The following RAD51 variants were observed in gnomAD, a reference collection of about 807,000 sequenced individuals.
RAD51 encodes RAD51 recombinase.
In RAD51, 14 loss-of-function variants were observed where a neutral mutation model predicts 41.5. That is an observed-to-expected ratio of 0.34 (90% CI 0.22 to 0.53). The LOEUF (loss-of-function observed/expected upper bound fraction) is 0.53. RAD51 is among the 20% of genes least tolerant of loss of function. The pLI is 0.95. For missense variants in RAD51, 234 were observed against 422.0 expected, an observed-to-expected ratio of 0.55 and a Z score of 3.90; for synonymous variants, 136 against 148.6, an observed-to-expected ratio of 0.92 and a Z score of 0.62.
At chr15:40,713,633 G>T in intron 5 of RAD51, among the ~76,000 whole-genome samples, 1 of 143,836 alleles carries the variant, frequency 7.0e-6, no homozygotes, top group Admixed American at 7.0e-5. Context: ...TTGAGGCGGA[G>T]TCTCATTCTG....
intron 5 of RAD51, 53 bp from the exon 6 acceptor site, chr15:40,718,748 GGTCA>G: frequency 1.4e-6 from 2 of 1,403,194 alleles, no homozygotes; most frequent in Non-Finnish European, 2.0e-6. Context: ...TGAGGAGCTT[GGTCA>G]GCTGTATCAG....
intron 5 of RAD51, among the ~76,000 whole-genome samples, chr15:40,710,783 G>T (rs1184232952): frequency 6.6e-6 from 1 of 152,088 alleles, no homozygotes; most frequent in Non-Finnish European, 1.5e-5. Context: ...TTGAGAAAGT[G>T]TCCCTTTTCT....
At position 40,726,662 on chromosome 15, in the gene RAD51, C is replaced by T. The variant is rs528671233; in HGVS notation, c.531-2049C>T. ...GGGCGCGGTGGCTCATGCCTGTAAT[C>T]CCAGCACTTTGGGAGGCCGAGGCGG... On this transcript the variant is annotated intron_variant, in intron 6 of 9. Transcript: ENST00000267868. Among the ~76,000 whole-genome samples, 74 of 151,770 alleles carry T rather than the reference C, an allele frequency of 4.9e-4. 1 individual carries two copies. The South Asian group carries it at 0.012, about 24-fold the overall frequency.
Position 40,719,468 on chromosome 15 carries a change from A to T in RAD51, c.530+569A>T, listed in dbSNP as rs187887361. Among the ~76,000 whole-genome samples, 3 of 152,308 alleles carry T rather than the reference A, an allele frequency of 2.0e-5. No individual in the cohort carries two copies. In the East Asian group the frequency reaches 5.8e-4, roughly 29 times the overall value. On this transcript the variant is annotated intron_variant, in intron 6 of 9. Coordinates refer to ENST00000267868, the MANE Select transcript of RAD51 (RefSeq NM_002875.5). ...TTAGAAAGTAAAAGAATGGAGAAAG[A>T]TATTGCATGCAAATAGTAACCATAA...
At chr15:40,697,046 TG>T in intron 1 of RAD51, among the ~76,000 whole-genome samples, 2 of 152,332 alleles carry the variant, frequency 1.3e-5, no homozygotes, top group East Asian at 3.8e-4. Flanking sequence ...ACTCTCTTAG[TG>T]GTGTCCTTTG....
In RAD51 at chr15:40,715,120, G is replaced by C. The variant is rs45471894; in HGVS notation, c.436-3685G>C. On this transcript the variant is annotated intron_variant, in intron 5 of 9. Transcript: ENST00000267868. ...CGCCTGTAATCCCAGCACTTTGGGA[G>C]GCTGAGGTGGATGGATCACAAGGTC... 5.8e-3 allele frequency among the ~76,000 whole-genome samples: 888 copies of C among 152,356 alleles called. 7 individuals carry two copies. Among genetic ancestry groups the C allele is most frequent in the Middle Eastern group, 0.01 (3 of 294 alleles).
intron 6 of RAD51, among the ~76,000 whole-genome samples, chr15:40,723,823 C>T (rs2141868106): frequency 6.6e-6 from 1 of 152,182 alleles, no homozygotes; most frequent in Admixed American, 6.6e-5. Flanking sequence ...TTAATTATAC[C>T]TGAGTAAAGC....
At chr15:40,730,974 A>C in intron 9 of RAD51, 81 bp from the exon 10 acceptor site, 1 of 1,584,160 alleles carries the variant, frequency 6.3e-7, no homozygotes, top group Non-Finnish European at 8.6e-7. Flanking sequence ...TGTCTAAAAA[A>C]TTTTCAGCTC....
At chr15:40,698,109 C>T (rs1453809613) in intron 1 of RAD51, among the ~76,000 whole-genome samples, 1 of 152,130 alleles carries the variant, frequency 6.6e-6, no homozygotes, top group Non-Finnish European at 1.5e-5. Flanking sequence ...CTCCTTCCTG[C>T]CGCCCCCTGC....
chr15:40,709,600 C>T (rs939715286), intron 5 of RAD51, among the ~76,000 whole-genome samples: 4 of 152,044 alleles, frequency 2.6e-5, no homozygotes, highest in African/African-American at 9.7e-5. Context: ...TCTTGAACTC[C>T]TGATCTCAAG....
At chr15:40,709,172 A>G (rs1433508293) in intron 5 of RAD51, 56 bp downstream of exon 5, 2 of 1,439,854 alleles carry the variant, frequency 1.4e-6, no homozygotes, top group South Asian at 1.1e-5. Flanking sequence ...CATTCCTGCT[A>G]TTTGCAAGCA....
intron 6 of RAD51, among the ~76,000 whole-genome samples, chr15:40,724,239 T>C (rs1896426823): frequency 6.6e-6 from 1 of 152,216 alleles, no homozygotes; most frequent in Non-Finnish European, 1.5e-5. Context: ...TATACTTAAT[T>C]GTGTCTTCCC....
At chr15:40,703,288 C>G (rs1164094538) in intron 3 of RAD51, among the ~76,000 whole-genome samples, 2 of 152,140 alleles carry the variant, frequency 1.3e-5, no homozygotes, top group African/African-American at 2.4e-5. Context: ...ATTGGCCAGG[C>G]TGGTCTCAAA....
chr15:40,700,979 T>A, intron 2 of RAD51, 85 bp from the exon 3 acceptor site: 1 of 1,200,514 alleles, frequency 8.3e-7, no homozygotes, highest in Admixed American at 2.0e-5. Flanking sequence ...TTCAAGCACC[T>A]CTGTGAAGTA....
At chr15:40,705,886 G>A (rs889011191) in intron 3 of RAD51, among the ~76,000 whole-genome samples, 2 of 152,174 alleles carry the variant, frequency 1.3e-5, no homozygotes, top group Non-Finnish European at 2.9e-5. Flanking sequence ...GATTACAGGC[G>A]TGAGCCATCG....
intron 4 of RAD51, 28 bp from the exon 5 acceptor site, chr15:40,708,997 T>C (rs1003998450): frequency 1.9e-6 from 3 of 1,551,786 alleles, no homozygotes; most frequent in Non-Finnish European, 2.7e-6. Context: ...TGTATTATGC[T>C]AAGAGTTATT....
At chr15:40,708,099 ACTTCCGCCCCCAGGTTCAAGCTATT>A (rs953890651) in intron 4 of RAD51, among the ~76,000 whole-genome samples, 18 of 132,436 alleles carry the variant, frequency 1.4e-4, no homozygotes, top group African/African-American at 5.0e-4. Context: ...GCTCACTGCC[ACTTCCGCCCCCAGGTTCAAGCTATT>A]CTTCTGCCTC....
rs950205835 is a variant in RAD51 at position 40,729,364 on chromosome 15, C to T, written c.645-141C>T. 154 of 922,042 alleles carry T rather than the reference C, an allele frequency of 1.7e-4. No individual in the cohort carries two copies. The African/African-American group carries it at 3.4e-3, about 20-fold the overall frequency. 57.1% of individuals were successfully genotyped at this position (922,042 alleles called of 1,614,324 possible). ...CTCCAGCCTGGGCGACAGAGCTAGA[C>T]TCCATCTCAAAAAAAAAAAAAAAAA... On this transcript the variant is annotated intron_variant, in intron 7 of 9. Transcript: ENST00000267868.
chr15:40,727,344 T>C (rs904106512), intron 6 of RAD51, among the ~76,000 whole-genome samples: 4 of 152,124 alleles, frequency 2.6e-5, no homozygotes, highest in Non-Finnish European at 5.9e-5. Context: ...AGTCTTGCTC[T>C]GTCACCCAGG....
Sources: allele counts gnomAD v4.1 joint callset (sites outside exome capture counted in the v4.1 genomes callset), GRCh38; gene constraint gnomAD v4.1.1; transcripts MANE v1.5; gene names NCBI Gene and HGNC (gene_info 2026-07-23, HGNC 2026-07-21).